DOK6: variants seen among roughly 807,000 people sequenced by gnomAD.
DOK6 encodes the protein docking protein 6.
In DOK6, 22 loss-of-function variants were observed where a neutral mutation model predicts 44.0. The ratio of observed to expected loss-of-function variants is 0.50; its 90% CI spans 0.36 to 0.71. The LOEUF (loss-of-function observed/expected upper bound fraction) is 0.71, where lower values mean the gene tolerates loss of function less well. DOK6 is among the 30% of genes least tolerant of loss of function. DOK6 has a pLI of 0.00. For synonymous variants in DOK6, 166 were observed against 145.5 expected (o/e 1.14, Z -1.01); for missense variants, 340 against 416.4 (o/e 0.82, Z 1.60).
At chr18:69,752,814 T>TC (rs1430559165) in intron 6 of DOK6, among the ~76,000 whole-genome samples, 4 of 152,162 alleles carry the variant, frequency 2.6e-5, no homozygotes, top group African/African-American at 9.7e-5. Flanking sequence ...GTTTCCCTGG[T>TC]CCCCTGGTCC....
intron 1 of DOK6, among the ~76,000 whole-genome samples, chr18:69,413,761 TA>T (rs1406354345): frequency 9.2e-5 from 14 of 152,030 alleles, no homozygotes; most frequent in African/African-American, 3.4e-4. Context: ...TTATTGAAAT[TA>T]AAAACTTTTG....
At chr18:69,492,500 G>C (rs553018786) in intron 1 of DOK6, among the ~76,000 whole-genome samples, 1 of 152,074 alleles carries the variant, frequency 6.6e-6, no homozygotes, top group South Asian at 2.1e-4. Flanking sequence ...CCTGTCACGG[G>C]AGTTTGATGT....
At chr18:69,550,887 G>A (rs1273813923) in intron 1 of DOK6, among the ~76,000 whole-genome samples, 1 of 150,140 alleles carries the variant, frequency 6.7e-6, no homozygotes, top group African/African-American at 2.5e-5. Context: ...GGGTTCAAGC[G>A]ATTCTTCTGC....
intron 5 of DOK6, among the ~76,000 whole-genome samples, chr18:69,715,887 T>C (rs902665081): frequency 2.0e-5 from 3 of 152,222 alleles, no homozygotes; most frequent in Non-Finnish European, 4.4e-5. Flanking sequence ...GGACTGTGAA[T>C]TGGTTGGTTT....
intron 6 of DOK6, among the ~76,000 whole-genome samples, chr18:69,739,549 T>A (rs894548664): frequency 6.6e-6 from 1 of 152,214 alleles, no homozygotes; most frequent in Non-Finnish European, 1.5e-5. Flanking sequence ...GTATGTATAA[T>A]AAAATGTTTA....
intron 1 of DOK6, among the ~76,000 whole-genome samples, chr18:69,477,566 T>C (rs1295384684): frequency 6.6e-6 from 1 of 152,178 alleles, no homozygotes; most frequent in Admixed American, 6.5e-5. Flanking sequence ...AAACAAACAG[T>C]ATTTATTCCT....
chr18:69,439,695 T>C (rs1979083277), intron 1 of DOK6, among the ~76,000 whole-genome samples: 1 of 152,182 alleles, frequency 6.6e-6, no homozygotes, highest in Non-Finnish European at 1.5e-5. Flanking sequence ...TCAGCCTTCA[T>C]GGAATTAGAG....
chr18:69,495,350 A>G (rs1980853019), intron 1 of DOK6, among the ~76,000 whole-genome samples: 1 of 152,172 alleles, frequency 6.6e-6, no homozygotes, highest in Non-Finnish European at 1.5e-5. Context: ...GCCGTTCCAC[A>G]TTTCTCGAGT....
At chr18:69,803,109 G>A (rs1390900375) in intron 7 of DOK6, among the ~76,000 whole-genome samples, 1 of 152,002 alleles carries the variant, frequency 6.6e-6, no homozygotes, top group African/African-American at 2.4e-5. Context: ...TACTATTTTT[G>A]TATTGATTTA....
At chr18:69,732,032 G>A (rs1978422802) in intron 5 of DOK6, among the ~76,000 whole-genome samples, 1 of 152,148 alleles carries the variant, frequency 6.6e-6, no homozygotes, top group Non-Finnish European at 1.5e-5. Context: ...CCATTTGGAA[G>A]AGCACACTAG....
intron 2 of DOK6, among the ~76,000 whole-genome samples, chr18:69,568,706 C>A (rs1253855754): frequency 6.6e-6 from 1 of 152,146 alleles, no homozygotes; most frequent in Non-Finnish European, 1.5e-5. Flanking sequence ...TTATTTACAG[C>A]TGCTCCCCAT....
At chr18:69,486,956 C>T (rs60409885) in intron 1 of DOK6, among the ~76,000 whole-genome samples, 4,108 of 152,018 alleles carry the variant, frequency 0.027, 197 homozygotes, top group African/African-American at 0.095. Flanking sequence ...TTTTTCACCC[C>T]CTTTCTTTCT....
intron 1 of DOK6, among the ~76,000 whole-genome samples, chr18:69,515,883 A>G (rs962681772): frequency 1.5e-5 from 2 of 130,468 alleles, no homozygotes; most frequent in Admixed American, 8.0e-5. Flanking sequence ...AGCATTTTCA[A>G]GCATGCAAAC....
At chr18:69,492,878 G>C (rs148791551) in intron 1 of DOK6, among the ~76,000 whole-genome samples, 4 of 145,468 alleles carry the variant, frequency 2.7e-5, no homozygotes, top group African/African-American at 7.5e-5. Context: ...CAAAAGGAAC[G>C]TTTTCTTTTC....
chr18:69,551,778 CA>C (rs1364166412), intron 1 of DOK6, among the ~76,000 whole-genome samples: 3 of 152,094 alleles, frequency 2.0e-5, no homozygotes, highest in African/African-American at 7.2e-5. Flanking sequence ...TCACTCTTAG[CA>C]AAACTGTCTG....
chr18:69,541,970 T>G (rs757235696), intron 1 of DOK6, among the ~76,000 whole-genome samples: 2 of 151,128 alleles, frequency 1.3e-5, no homozygotes, highest in Non-Finnish European at 3.0e-5. Flanking sequence ...AGAAAGGGAG[T>G]TGACAAGTAG....
chr18:69,606,896 G>A (rs1298641429), intron 3 of DOK6, among the ~76,000 whole-genome samples: 1 of 151,014 alleles, frequency 6.6e-6, no homozygotes, highest in Non-Finnish European at 1.5e-5. Flanking sequence ...CCTCAACAAG[G>A]AAATTTTAAA....
chr18:69,651,481 CCTTTTT>C (rs1422853458), intron 3 of DOK6, among the ~76,000 whole-genome samples: 28 of 143,860 alleles, frequency 1.9e-4, no homozygotes, highest in African/African-American at 6.7e-4. Flanking sequence ...GCCCCCCGCT[CCTTTTT>C]TTTTTTTTTT....
chr18:69,458,992 A>T (rs892435031), intron 1 of DOK6, among the ~76,000 whole-genome samples: 1 of 151,908 alleles, frequency 6.6e-6, no homozygotes, highest in Non-Finnish European at 1.5e-5. Context: ...GCCACCTGGG[A>T]GGCTGAGGCA....
Sources: allele counts gnomAD v4.1 joint callset (sites outside exome capture counted in the v4.1 genomes callset), GRCh38; gene constraint gnomAD v4.1.1; transcripts MANE v1.5; gene names NCBI Gene and HGNC (gene_info 2026-07-23, HGNC 2026-07-21).